Variants in NLGN1 observed in about 807,000 individuals in gnomAD.
NLGN1 encodes the protein neuroligin-1.
Under a neutral mutation model 65.5 loss-of-function variants are expected in NLGN1, and 12 were observed. That is an observed-to-expected ratio of 0.18 (90% CI 0.12 to 0.30). The LOEUF (loss-of-function observed/expected upper bound fraction) is 0.30. Ranked by LOEUF, NLGN1 falls within the 10% of genes least tolerant of loss-of-function variation. NLGN1 has a pLI of 1.00. For missense variants in NLGN1, 750 were observed against 1,007.1 expected (o/e 0.74, Z 3.46); for synonymous variants, 350 against 359.5 (o/e 0.97, Z 0.30).
At chr3:173,833,509 A>G (rs988899125) in intron 4 of NLGN1, among the ~76,000 whole-genome samples, 1 of 151,498 alleles carries the variant, frequency 6.6e-6, no homozygotes, top group Non-Finnish European at 1.5e-5. Flanking sequence ...TTTATCCTCT[A>G]TCTTTTATTT....
downstream of NLGN1, among the ~76,000 whole-genome samples, chr3:174,289,967 A>ATATATATATG (rs1491215189): frequency 2.3e-4 from 24 of 104,386 alleles, no homozygotes; most frequent in East Asian, 1.2e-3. Flanking sequence ...ATATATATAT[A>ATATATATATG]TGTATATATA....
At chr3:173,453,382 GTT>G (rs1302131557) in intron 2 of NLGN1, among the ~76,000 whole-genome samples, 1 of 143,760 alleles carries the variant, frequency 7.0e-6, no homozygotes. Context: ...GGGATTGGTA[GTT>G]TTTTTTTTTT....
intron 4 of NLGN1, among the ~76,000 whole-genome samples, chr3:173,857,200 G>C (rs1728156082): frequency 6.6e-6 from 1 of 151,964 alleles, no homozygotes; most frequent in Non-Finnish European, 1.5e-5. Context: ...CAAGCAGATA[G>C]AAGGTAAGGG....
At chr3:173,456,565 T>C (rs1316417866) in intron 2 of NLGN1, among the ~76,000 whole-genome samples, 1 of 152,174 alleles carries the variant, frequency 6.6e-6, no homozygotes, top group East Asian at 1.9e-4. Flanking sequence ...TGATTGTAGC[T>C]ATAGTATCTG....
intron 2 of NLGN1, among the ~76,000 whole-genome samples, chr3:173,483,326 C>T (rs1270017319): frequency 6.6e-6 from 1 of 151,908 alleles, no homozygotes; most frequent in Non-Finnish European, 1.5e-5. Flanking sequence ...GTAAATTAGC[C>T]TTTCTGACTT....
At chr3:173,919,723 T>C (rs1741564781) in intron 4 of NLGN1, among the ~76,000 whole-genome samples, 2 of 152,160 alleles carry the variant, frequency 1.3e-5, no homozygotes, top group Non-Finnish European at 2.9e-5. Context: ...TGGCTAATTG[T>C]ACATTTTACT....
At chr3:173,510,186 G>A (rs1225223894) in intron 2 of NLGN1, among the ~76,000 whole-genome samples, 1 of 152,172 alleles carries the variant, frequency 6.6e-6, no homozygotes, top group African/African-American at 2.4e-5. Flanking sequence ...TAGAGAAGAA[G>A]CCTGCTGGAG....
chr3:173,995,547 A>C (rs2152419308), intron 4 of NLGN1, among the ~76,000 whole-genome samples: 1 of 152,196 alleles, frequency 6.6e-6, no homozygotes, highest in South Asian at 2.1e-4. Flanking sequence ...ACTACAGAAA[A>C]CTTTCTGCCC....
chr3:173,497,076 A>C (rs1219265989), intron 2 of NLGN1, among the ~76,000 whole-genome samples: 2 of 151,840 alleles, frequency 1.3e-5, no homozygotes, highest in Non-Finnish European at 1.5e-5. Context: ...TTACTTTGCC[A>C]TTGTTTTCTC....
At chr3:173,447,924 CTT>C (rs1486280790) in intron 2 of NLGN1, among the ~76,000 whole-genome samples, 3 of 152,180 alleles carry the variant, frequency 2.0e-5, no homozygotes, top group African/African-American at 7.2e-5. Flanking sequence ...TATCCTGAGA[CTT>C]TGCTGAAGTT....
chr3:173,512,321 G>C (rs1168190148), intron 2 of NLGN1, among the ~76,000 whole-genome samples: 3 of 152,186 alleles, frequency 2.0e-5, no homozygotes, highest in Non-Finnish European at 4.4e-5. Flanking sequence ...TGGACGAATT[G>C]AAAGATGGTG....
chr3:174,040,121 A>G (rs924234391), intron 4 of NLGN1, among the ~76,000 whole-genome samples: 1 of 152,144 alleles, frequency 6.6e-6, no homozygotes, highest in Admixed American at 6.6e-5. Flanking sequence ...CTCTAATTTG[A>G]CATACAGGTT....
intron 2 of NLGN1, among the ~76,000 whole-genome samples, chr3:173,512,564 G>T (rs147918475): frequency 1.2e-3 from 180 of 152,268 alleles, no homozygotes; most frequent in African/African-American, 4.1e-3. Context: ...ACAGGATGGG[G>T]ACAAGGTGGG....
intron 3 of NLGN1, among the ~76,000 whole-genome samples, chr3:173,799,045 G>A (rs779145644): frequency 2.0e-5 from 3 of 151,950 alleles, no homozygotes; most frequent in Non-Finnish European, 4.4e-5. Context: ...CCTATGAAGT[G>A]TGCTTAGACT....
At chr3:173,665,091 G>T (rs1761511103) in intron 3 of NLGN1, among the ~76,000 whole-genome samples, 1 of 152,070 alleles carries the variant, frequency 6.6e-6, no homozygotes, top group African/African-American at 2.4e-5. Context: ...AAAAAAGGTG[G>T]TTGATATGGT....
At chr3:173,712,310 G>A (rs1769117170) in intron 3 of NLGN1, among the ~76,000 whole-genome samples, 1 of 152,156 alleles carries the variant, frequency 6.6e-6, no homozygotes, top group Admixed American at 6.6e-5. Flanking sequence ...AGAGCATATA[G>A]CTATGAAGTA....
chr3:173,726,259 T>C (rs2150030299), intron 3 of NLGN1, among the ~76,000 whole-genome samples: 1 of 151,790 alleles, frequency 6.6e-6, no homozygotes, highest in East Asian at 2.0e-4. Context: ...AGGAGTAAAA[T>C]TTTGGTCTTC....
At chr3:173,432,742 A>C (rs562664873) in intron 1 of NLGN1, among the ~76,000 whole-genome samples, 6 of 151,750 alleles carry the variant, frequency 4.0e-5, no homozygotes, top group Non-Finnish European at 8.8e-5. Flanking sequence ...CTTATCAACT[A>C]TTTCTTTTGT....
chr3:173,690,888 T>G (rs1765368674), intron 3 of NLGN1, among the ~76,000 whole-genome samples: 1 of 152,062 alleles, frequency 6.6e-6, no homozygotes. Flanking sequence ...GTTTAAACCG[T>G]TTTTGGAGTA....
Sources: allele counts gnomAD v4.1 joint callset (sites outside exome capture counted in the v4.1 genomes callset), GRCh38; gene constraint gnomAD v4.1.1; transcripts MANE v1.5; gene names NCBI Gene and HGNC (gene_info 2026-07-23, HGNC 2026-07-21).